The following METTL15 variants were observed in gnomAD, a reference collection of about 807,000 sequenced individuals.
The protein encoded by METTL15 is 12S rRNA N(4)-cytidine methyltransferase METTL15.
A neutral mutation model predicts 38.3 loss-of-function variants in METTL15; 34 were observed. The ratio of observed to expected loss-of-function variants is 0.89; its 90% CI spans 0.68 to 1.18. METTL15 has a LOEUF of 1.18. Among genes scored for constraint, METTL15 ranks in the 50% most tolerant of loss-of-function variants. The pLI is 0.00. For missense variants in METTL15, 438 were observed against 498.4 expected, an observed-to-expected ratio of 0.88 and a Z score of 1.15; for synonymous variants, 162 against 170.9, an observed-to-expected ratio of 0.95 and a Z score of 0.41.
intron 5 of METTL15, among the ~76,000 whole-genome samples, chr11:28,391,983 G>A (rs998770227): frequency 6.6e-6 from 1 of 152,122 alleles, no homozygotes; most frequent in Non-Finnish European, 1.5e-5. Flanking sequence ...TTAAACTAAA[G>A]AGCTTCTGCA....
chr11:28,371,801 G>A (rs1850245882), intron 5 of METTL15, among the ~76,000 whole-genome samples: 1 of 151,968 alleles, frequency 6.6e-6, no homozygotes, highest in Non-Finnish European at 1.5e-5. Context: ...ATTGTTCACT[G>A]TTGGTATATA....
rs1422279836 is a variant in METTL15 at position 28,331,880 on chromosome 11, A to T, written c.*1039A>T. 1.3e-5 allele frequency: 2 copies of T among 152,160 alleles called. No individual in the cohort carries two copies. The highest frequency in any genetic ancestry group is 1.9e-4 in the East Asian group (1 of 5,198). The allele number at this position is 152,160 out of a possible 1,614,324, so 9.4% of individuals were successfully genotyped here. On this transcript the variant is annotated 3_prime_UTR_variant, in exon 7 of 7. Coordinates refer to ENST00000407364, the MANE Select transcript of METTL15 (RefSeq NM_001113528.2). The stretch of plus-strand genomic sequence containing the variant: ...AGTTGGAGATAATTAGTCAAAGGGC[A>T]CATGGAGTATGGAAGGGGGCATGTT...
chr11:28,226,180 T>C (rs1853469338), intron 4 of METTL15, among the ~76,000 whole-genome samples: 2 of 151,988 alleles, frequency 1.3e-5, no homozygotes, highest in South Asian at 4.1e-4. Context: ...TGCTGTCTTG[T>C]GTCTCTGAGG....
chr11:28,155,085 G>T (rs1007559664), intron 3 of METTL15, among the ~76,000 whole-genome samples: 1 of 152,118 alleles, frequency 6.6e-6, no homozygotes, highest in African/African-American at 2.4e-5. Context: ...TAAAGGTAAG[G>T]TGTTCTCTAG....
In METTL15 at chr11:28,330,615, T is replaced by G. The variant is rs1264981326; in HGVS notation, c.998T>G (p.Leu333Trp). Residue 333 changes from leucine to tryptophan, a missense_variant, in exon 7 of 7, where the codon TTG becomes TGG. Transcript: ENST00000407364. ...GAGGATCGCATCGTCAAAAGATTTT[T>G]GCTTGGAATAAGCATGACAGAAAGA... ...SLEDRIVKRF[L>W]LGISMTERFN... 76 of 1,551,352 alleles carry G rather than the reference T, an allele frequency of 4.9e-5. No individual in the cohort carries two copies. The highest frequency in any genetic ancestry group is 6.5e-5 in the Non-Finnish European group (74 of 1,146,824).
intron 4 of METTL15, among the ~76,000 whole-genome samples, chr11:28,285,151 C>T (rs1856203418): frequency 6.6e-6 from 1 of 152,098 alleles, no homozygotes; most frequent in Non-Finnish European, 1.5e-5. Flanking sequence ...TATAAATTTC[C>T]TTACAATCAT....
At position 28,268,192 on chromosome 11, in the gene METTL15, G is replaced by A. The variant is rs1211392926; in HGVS notation, c.408-22014G>A. On this transcript the variant is annotated intron_variant, in intron 4 of 6. Transcript: ENST00000407364. The stretch of plus-strand genomic sequence containing the variant: ...AGCCTGGGCGACAGAGCGAGACTCC[G>A]TCTCAAAAAAAAAAAAAAAAAAAAA... 5.3e-4 allele frequency among the ~76,000 whole-genome samples: 27 copies of A among 51,312 alleles called. No individual in the cohort carries two copies. The Admixed American group carries it at 7.6e-3, about 14-fold the overall frequency. 33.7% of individuals were successfully genotyped at this position (51,312 alleles called of 152,430 possible). A position where few individuals can be genotyped will look rare whatever the true frequency, so the allele number is the denominator to read the frequency against.
intron 3 of METTL15, among the ~76,000 whole-genome samples, chr11:28,114,625 A>G (rs1851863608): frequency 6.6e-6 from 1 of 151,854 alleles, no homozygotes; most frequent in South Asian, 2.1e-4. Context: ...TAATTTTTGT[A>G]TTTTTAGTAG....
chr11:28,342,183 C>T (rs1030102748), intron 3 of METTL15, among the ~76,000 whole-genome samples: 7 of 152,164 alleles, frequency 4.6e-5, no homozygotes, highest in Admixed American at 2.6e-4. Flanking sequence ...CCCAGTTGTT[C>T]TAGAAGCCCA....
In METTL15 at chr11:28,526,137, C is replaced by T. The variant is rs1057131426; in HGVS notation, c.*425-341C>T. On this transcript the variant is annotated intron_variant and NMD_transcript_variant, in intron 6 of 7. Transcript: ENST00000532947. ...CTCCAGCTGGCCCACAAGTGCCACA[C>T]GCAGCCCCAGTTCCCACCTGCGCCT... is the stretch of plus-strand genomic sequence containing the variant. 5.9e-5 allele frequency among the ~76,000 whole-genome samples: 9 copies of T among 152,332 alleles called. No homozygotes were observed. The South Asian group carries it at 8.3e-4, about 14-fold the overall frequency.
intron 4 of METTL15, among the ~76,000 whole-genome samples, chr11:28,289,034 A>G (rs1384382120): frequency 6.6e-6 from 1 of 152,146 alleles, no homozygotes; most frequent in Non-Finnish European, 1.5e-5. Flanking sequence ...GTTATGTGAT[A>G]GTAACAATTG....
downstream of METTL15, among the ~76,000 whole-genome samples, chr11:28,334,870 T>C (rs1457608503): frequency 6.6e-6 from 1 of 152,134 alleles, no homozygotes; most frequent in Non-Finnish European, 1.5e-5. Flanking sequence ...GTCACTGACT[T>C]TTTGGCCACC....
At chr11:28,377,828 G>A (rs186060081) in intron 5 of METTL15, among the ~76,000 whole-genome samples, 174 of 151,354 alleles carry the variant, frequency 1.1e-3, no homozygotes, top group African/African-American at 4.1e-3. Context: ...GTACAGATGG[G>A]TTTTTGGTGT....
chr11:28,273,002 T>A (rs1590245015), intron 4 of METTL15, among the ~76,000 whole-genome samples: 1 of 152,320 alleles, frequency 6.6e-6, no homozygotes, highest in African/African-American at 2.4e-5. Context: ...TAAGCCAACG[T>A]TTCTATAATG....
intron 6 of METTL15, among the ~76,000 whole-genome samples, chr11:28,326,486 G>A (rs921531237): frequency 4.6e-5 from 7 of 151,986 alleles, no homozygotes; most frequent in African/African-American, 1.5e-4. Context: ...ATCCTTTGTG[G>A]TTGGATTATT....
intron 3 of METTL15, among the ~76,000 whole-genome samples, chr11:28,346,649 C>G (rs1849998318): frequency 6.6e-6 from 1 of 152,110 alleles, no homozygotes; most frequent in African/African-American, 2.4e-5. Flanking sequence ...TTCAATTGTT[C>G]CCAACCTTTT....
At chr11:28,345,466 A>C (rs758057052) in intron 3 of METTL15, among the ~76,000 whole-genome samples, 6 of 152,220 alleles carry the variant, frequency 3.9e-5, no homozygotes, top group Admixed American at 1.3e-4. Flanking sequence ...CTGGGATTGC[A>C]GGTGTGATCC....
chr11:28,278,398 A>G (rs997480646), intron 4 of METTL15, among the ~76,000 whole-genome samples: 6 of 152,182 alleles, frequency 3.9e-5, no homozygotes, highest in Non-Finnish European at 8.8e-5. Context: ...TTTCTTATTC[A>G]TTTTCTAATC....
downstream of METTL15, among the ~76,000 whole-genome samples, chr11:28,529,517 A>C (rs1011408974): frequency 6.8e-5 from 10 of 148,060 alleles, no homozygotes; most frequent in African/African-American, 2.5e-4. Context: ...GGAACGCAGA[A>C]ATTCACCCTG....
Sources: gnomAD v4.1 joint callset for allele counts (sites outside exome capture counted in the v4.1 genomes callset) on GRCh38, gnomAD v4.1.1 for gene constraint, MANE v1.5 for transcripts, NCBI Gene and HGNC (gene_info 2026-07-23, HGNC 2026-07-21) for gene names.